Variants in INSL6 observed in about 807,000 individuals in gnomAD.
The protein encoded by INSL6 is insulin like 6, also known as insulin-like peptide INSL6.
Under a neutral mutation model 9.4 loss-of-function variants are expected in INSL6, and 16 were observed. The observed-to-expected ratio is 1.70, with a 90% confidence interval of 1.15 to 2.59. The LOEUF (loss-of-function observed/expected upper bound fraction) is 2.59, where lower values mean the gene tolerates loss of function less well. Ranked by LOEUF, INSL6 falls within the 30% of genes most tolerant of loss-of-function variation. The pLI is 0.00. For synonymous variants in INSL6, 154 were observed against 96.9 expected, an observed-to-expected ratio of 1.59 and a Z score of -3.46; for missense variants, 391 against 257.3, an observed-to-expected ratio of 1.52 and a Z score of -3.56.
the INSL6 span, among the ~76,000 whole-genome samples, chr9:5,032,582 G>C: frequency 1.3e-5 from 2 of 152,220 alleles, no homozygotes; most frequent in Non-Finnish European, 2.9e-5. Flanking sequence ...AACATTTGCT[G>C]CTCACCAATA....
the INSL6 span, among the ~76,000 whole-genome samples, chr9:5,117,055 C>T: frequency 6.6e-6 from 1 of 152,230 alleles, no homozygotes; most frequent in East Asian, 1.9e-4. Context: ...TCTTGCCTTT[C>T]CACTTTCATC....
chr9:5,174,473 T>G (rs1208599477), intron 1 of INSL6, among the ~76,000 whole-genome samples: 4 of 152,216 alleles, frequency 2.6e-5, no homozygotes, highest in Non-Finnish European at 5.9e-5. Context: ...CTTTCATCAT[T>G]TGGTTTCCAC....
the INSL6 span, chr9:5,112,235 G>C: frequency 3.4e-5 from 9 of 264,846 alleles, no homozygotes; most frequent in Non-Finnish European, 6.1e-5. Context: ...CGCAGGCCTG[G>C]TTGGAGGCGA....
chr9:5,091,332 A>G, the INSL6 span: 1 of 153,772 alleles, frequency 6.5e-6, no homozygotes, highest in Non-Finnish European at 1.5e-5. Flanking sequence ...AGTATCCTGA[A>G]ACATGAGGGC....
intron 1 of INSL6, among the ~76,000 whole-genome samples, chr9:5,171,460 T>G (rs995835019): frequency 1.3e-5 from 2 of 152,138 alleles, no homozygotes; most frequent in Non-Finnish European, 2.9e-5. Flanking sequence ...CTATTCAACA[T>G]AGTATCTGAA....
At chr9:5,074,305 A>T in the INSL6 span, among the ~76,000 whole-genome samples, 1 of 152,094 alleles carries the variant, frequency 6.6e-6, no homozygotes, top group African/African-American at 2.4e-5. Flanking sequence ...ATTTTATTGC[A>T]CCTTGCTTTA....
the INSL6 span, chr9:5,069,200 A>T: frequency 6.3e-7 from 1 of 1,597,656 alleles, no homozygotes; most frequent in Non-Finnish European, 8.5e-7. Context: ...TGTCCCCCAA[A>T]GCCAAAAGGT....
chr9:5,040,991 T>A, the INSL6 span: 2 of 630,488 alleles, frequency 3.2e-6, no homozygotes, highest in Non-Finnish European at 5.9e-6. Context: ...AAATTGGAGC[T>A]GATCAAGTTC....
chr9:5,114,463 C>T, the INSL6 span: 13 of 469,726 alleles, frequency 2.8e-5, no homozygotes, highest in African/African-American at 9.9e-5. Flanking sequence ...CTGCAGTCCA[C>T]GACCAAGATC....
chr9:5,092,770 A>C, the INSL6 span, among the ~76,000 whole-genome samples: 2 of 152,220 alleles, frequency 1.3e-5, no homozygotes, highest in Non-Finnish European at 2.9e-5. Context: ...AAGATTCATG[A>C]GTAGTGGTGA....
the INSL6 span, chr9:5,055,525 T>C: frequency 5.2e-6 from 3 of 574,930 alleles, no homozygotes; most frequent in East Asian, 9.6e-5. Context: ...ATTGATAGAG[T>C]AAATCACGTT....
chr9:5,182,954 C>T (rs977496213), intron 1 of INSL6, among the ~76,000 whole-genome samples: 36 of 152,226 alleles, frequency 2.4e-4, no homozygotes, highest in Admixed American at 2.1e-3. Flanking sequence ...TTTTTAATAG[C>T]AGCGTAGCAA....
the INSL6 span, among the ~76,000 whole-genome samples, chr9:5,052,900 T>C: frequency 6.6e-6 from 1 of 152,126 alleles, no homozygotes; most frequent in African/African-American, 2.4e-5. Context: ...CTTCACTTGA[T>C]GAAAATGTGG....
intron 2 of INSL6, among the ~76,000 whole-genome samples, chr9:5,142,629 A>ATC (rs1824524335): frequency 3.9e-5 from 6 of 152,190 alleles, no homozygotes; most frequent in African/African-American, 1.4e-4. Flanking sequence ...TTCCAGATAT[A>ATC]GGATCGTGTC....
chr9:5,056,367 C>G, the INSL6 span, among the ~76,000 whole-genome samples: 1 of 151,896 alleles, frequency 6.6e-6, no homozygotes, highest in Non-Finnish European at 1.5e-5. Context: ...TCTCATTTAT[C>G]TTCTCTGTCT....
intron 2 of INSL6, among the ~76,000 whole-genome samples, chr9:5,146,399 A>C (rs1305581211): frequency 6.6e-6 from 1 of 152,180 alleles, no homozygotes; most frequent in African/African-American, 2.4e-5. Context: ...TCACCACAGC[A>C]GTGGGAGCAA....
chr9:5,113,258 A>G, the INSL6 span, among the ~76,000 whole-genome samples: 1 of 130,926 alleles, frequency 7.6e-6, no homozygotes, highest in African/African-American at 3.0e-5. Context: ...CAAAACATAC[A>G]CTTTGTCAGA....
rs146054352 is a variant in INSL6 at position 5,185,354 on chromosome 9, C to A, written c.249G>T (p.Pro83=). The A allele has an allele frequency of 1.2e-6, 2 of 1,614,066 alleles. No individual in the cohort carries two copies. The highest frequency in any genetic ancestry group is 1.3e-5 in the African/African-American group (1 of 75,012). The part of the protein sequence containing the change: ...EAYSPYQFES[P]QTASPARGRG... ...TTCCCCGGGCCGGGGAAGCGGTTTGCGGGCTTTCGAACTGGTATGGGCTGT... is the reference window on the plus strand; with the variant it reads ...TTCCCCGGGCCGGGGAAGCGGTTTGAGGGCTTTCGAACTGGTATGGGCTGT... The change falls in exon 1 of 2, where the codon CCG becomes CCT. Residue 83 remains proline, a synonymous_variant. Transcript: ENST00000381641.
chr9:5,089,211 T>G, the INSL6 span, among the ~76,000 whole-genome samples: 1 of 152,168 alleles, frequency 6.6e-6, no homozygotes, highest in Admixed American at 6.5e-5. Context: ...AGTATTTCCT[T>G]TTCTTGTTCT....
Sources: gnomAD v4.1 joint callset for allele counts (sites outside exome capture counted in the v4.1 genomes callset) on GRCh38, gnomAD v4.1.1 for gene constraint, MANE v1.5 for transcripts, NCBI Gene and HGNC (gene_info 2026-07-23, HGNC 2026-07-21) for gene names.